PTPRM: variants seen among roughly 807,000 people sequenced by gnomAD.
PTPRM encodes the protein receptor-type tyrosine-protein phosphatase mu.
Under a neutral mutation model 186.7 loss-of-function variants are expected in PTPRM, and 47 were observed. That is an observed-to-expected ratio of 0.25 (90% confidence interval 0.20 to 0.32). The LOEUF (loss-of-function observed/expected upper bound fraction) is 0.32. Among genes scored for constraint, PTPRM ranks in the 10% least tolerant of loss-of-function variants. The pLI, the probability that PTPRM is intolerant of heterozygous loss-of-function variation, is 1.00. For missense variants in PTPRM, 1,494 were observed against 1,865.0 expected (o/e 0.80, Z 3.66); for synonymous variants, 668 against 674.9 (o/e 0.99, Z 0.16).
At chr18:8,398,083 C>T (rs777483642) in intron 32 of PTPRM, among the ~76,000 whole-genome samples, 1 of 152,186 alleles carries the variant, frequency 6.6e-6, no homozygotes, top group Non-Finnish European at 1.5e-5. Context: ...AGCCATCCTC[C>T]CACCTCAGCC....
At chr18:7,792,607 T>C (rs1260881567) in intron 2 of PTPRM, among the ~76,000 whole-genome samples, 1 of 152,218 alleles carries the variant, frequency 6.6e-6, no homozygotes, top group Non-Finnish European at 1.5e-5. Flanking sequence ...AATCACAAAT[T>C]TTAAAATAAT....
chr18:8,157,010 C>T (rs1379793248), intron 14 of PTPRM, among the ~76,000 whole-genome samples: 1 of 152,026 alleles, frequency 6.6e-6, no homozygotes, highest in Non-Finnish European at 1.5e-5. Context: ...TAGAGGAAGC[C>T]ATAAAGCAGG....
chr18:7,921,433 T>C (rs1325014208), intron 4 of PTPRM, among the ~76,000 whole-genome samples: 1 of 150,068 alleles, frequency 6.7e-6, no homozygotes, highest in Non-Finnish European at 1.5e-5. Context: ...CAGGCTGGAG[T>C]GCAGTGGCGC....
At chr18:8,168,364 T>C (rs1295227413) in intron 14 of PTPRM, among the ~76,000 whole-genome samples, 1 of 152,218 alleles carries the variant, frequency 6.6e-6, no homozygotes, top group African/African-American at 2.4e-5. Flanking sequence ...CAGGGCCTTA[T>C]AACATCGTTT....
intron 2 of PTPRM, among the ~76,000 whole-genome samples, chr18:7,853,495 C>T (rs1319501946): frequency 6.6e-6 from 1 of 152,162 alleles, no homozygotes; most frequent in Non-Finnish European, 1.5e-5. Flanking sequence ...TCAGAAGTAC[C>T]TGGAAAAATG....
In PTPRM at chr18:7,948,293, GAGAA is replaced by G. The variant is rs891096990; in HGVS notation, c.664-884_664-881del. Among the ~76,000 whole-genome samples, 7 of 151,896 alleles carry G rather than the reference GAGAA, an allele frequency of 4.6e-5. No homozygotes were observed. In the East Asian group the frequency reaches 7.7e-4, roughly 17 times the overall value. On this transcript the variant is annotated intron_variant, in intron 5 of 32. Coordinates refer to ENST00000580170, the MANE Select transcript of PTPRM (RefSeq NM_001105244.2). Reference sequence around the variant, plus strand: ...TATATATATTATATATAGAGAGAGAGAGAAAGAGAGAGAGAAGAGAGAGCACAAG... The same window carrying G: ...TATATATATTATATATAGAGAGAGAGAGAGAGAGAGAAGAGAGAGCACAAG...
chr18:8,129,800 T>A (rs2092458444), intron 13 of PTPRM, among the ~76,000 whole-genome samples: 1 of 152,186 alleles, frequency 6.6e-6, no homozygotes, highest in East Asian at 1.9e-4. Context: ...CAAGAAAATA[T>A]CAAGAATTAA....
chr18:7,624,391 GCAGTA>G (rs749687345), intron 1 of PTPRM, among the ~76,000 whole-genome samples: 16 of 152,140 alleles, frequency 1.1e-4, no homozygotes, highest in Non-Finnish European at 1.8e-4. Context: ...TATGAGGATG[GCAGTA>G]CTGTAGACTG....
chr18:7,668,918 T>G lies in PTPRM; in HGVS notation c.73+101027T>G, dbSNP rs746819785. 6.6e-6 allele frequency among the ~76,000 whole-genome samples: 1 copy of G among 151,988 alleles called. No individual in the cohort carries two copies. Among genetic ancestry groups the G allele is most frequent in the South Asian group, 2.1e-4 (1 of 4,822 alleles). ...GCCTCTCTGCTTGAACAGGGGATCT[T>G]TGTCTCTTTTCCTCAATGACATGTG... On this transcript the variant is annotated intron_variant, in intron 1 of 32. Coordinates refer to ENST00000580170, the MANE Select transcript of PTPRM (RefSeq NM_001105244.2). This position sits in a 1 kb window ranked among gnomAD's most constrained non-coding sequence, Gnocchi z 4.7.
chr18:8,389,036 T>A (rs1460649857), intron 31 of PTPRM, among the ~76,000 whole-genome samples: 4 of 152,218 alleles, frequency 2.6e-5, no homozygotes, highest in African/African-American at 9.6e-5. Flanking sequence ...CCTATTTTTA[T>A]TTCTCTTCAA....
intron 7 of PTPRM, among the ~76,000 whole-genome samples, chr18:8,056,712 C>T (rs553353853): frequency 6.7e-6 from 1 of 148,754 alleles, no homozygotes; most frequent in African/African-American, 2.5e-5. Context: ...CCTTCGGAGC[C>T]AGTATAGGCC....
intron 30 of PTPRM, among the ~76,000 whole-genome samples, chr18:8,385,259 T>C (rs752515683): frequency 1.5e-4 from 23 of 152,174 alleles, no homozygotes; most frequent in Admixed American, 2.6e-4. Flanking sequence ...TGGATAGGCC[T>C]AGGAGAATAT....
At chr18:8,289,398 GTA>G (rs1393956158) in intron 19 of PTPRM, among the ~76,000 whole-genome samples, 12,951 of 138,194 alleles carry the variant, frequency 0.094, 1,132 homozygotes, top group African/African-American at 0.23. Flanking sequence ...TTGTGTGTGT[GTA>G]TATATATATA....
chr18:8,266,136 A>G (rs2094697875), intron 19 of PTPRM, among the ~76,000 whole-genome samples: 1 of 151,864 alleles, frequency 6.6e-6, no homozygotes, highest in African/African-American at 2.4e-5. Flanking sequence ...TCTAACCCAC[A>G]CCCCATCTCC....
intron 1 of PTPRM, among the ~76,000 whole-genome samples, chr18:7,603,683 G>A (rs2143772885): frequency 6.6e-6 from 1 of 152,300 alleles, no homozygotes; most frequent in Non-Finnish European, 1.5e-5. Context: ...GGTAGCTTTG[G>A]CTTTAAAATG....
intron 30 of PTPRM, among the ~76,000 whole-genome samples, 197 bp from the exon 31 acceptor site, chr18:8,386,875 T>G (rs940102122): frequency 2.0e-5 from 3 of 152,340 alleles, no homozygotes; most frequent in Admixed American, 1.3e-4. Context: ...GCCTGTCATT[T>G]AAAACCCCTG....
At chr18:7,709,951 C>T (rs2040177044) in intron 1 of PTPRM, among the ~76,000 whole-genome samples, 1 of 152,142 alleles carries the variant, frequency 6.6e-6, no homozygotes, top group Non-Finnish European at 1.5e-5. Context: ...TGTGGATTCA[C>T]AGCTGAATTC....
Position 7,899,778 on chromosome 18 carries a change from GTTTTA to G in PTPRM, c.469-6712_469-6708del, listed in dbSNP as rs559837549. ...GATTTTTGACTTCTAAATGAGTTAG[GTTTTA>G]TTTTATTTTATTTTTAATTTTTCTG... On this transcript the variant is annotated intron_variant, in intron 3 of 32. Transcript: ENST00000580170. Among the ~76,000 whole-genome samples, 10 of 152,046 alleles carry G rather than the reference GTTTTA, an allele frequency of 6.6e-5. No homozygotes were observed. The South Asian group carries it at 1.9e-3, about 28-fold the overall frequency.
At chr18:8,341,714 G>T (rs1568785603) in intron 22 of PTPRM, among the ~76,000 whole-genome samples, 1 of 150,848 alleles carries the variant, frequency 6.6e-6, no homozygotes, top group African/African-American at 2.4e-5. Context: ...GGTCACATTG[G>T]GCTGTTTGCG....
Sources: allele counts gnomAD v4.1 joint callset (sites outside exome capture counted in the v4.1 genomes callset), GRCh38; gene constraint gnomAD v4.1.1; non-coding constraint Gnocchi (gnomAD v3.1); transcripts MANE v1.5; gene names NCBI Gene and HGNC (gene_info 2026-07-23, HGNC 2026-07-21).